SLIT3: variants seen among roughly 807,000 people sequenced by gnomAD.
The protein encoded by SLIT3 is slit guidance ligand 3, also known as slit homolog 3 protein.
In SLIT3, 68 loss-of-function variants were observed where a neutral mutation model predicts 184.0. That is an observed-to-expected ratio of 0.37 (90% CI 0.30 to 0.45). The LOEUF (loss-of-function observed/expected upper bound fraction) is 0.45, where lower values mean the gene tolerates loss of function less well. SLIT3 is among the 20% of genes least tolerant of loss of function. The pLI, the probability that SLIT3 is intolerant of heterozygous loss-of-function variation, is 1.00. For synonymous variants in SLIT3, 831 were observed against 828.6 expected (o/e 1.00, Z -0.05); for missense variants, 1,707 against 2,026.0 (o/e 0.84, Z 3.02).
chr5:169,123,367 A>C (rs1045059983), intron 4 of SLIT3, among the ~76,000 whole-genome samples: 24 of 152,304 alleles, frequency 1.6e-4, no homozygotes, highest in Middle Eastern at 3.4e-3. Flanking sequence ...TGGGTAACTC[A>C]TTTCAAGAAG....
chr5:168,693,458 T>C (rs936701274), intron 28 of SLIT3, among the ~76,000 whole-genome samples: 1 of 152,224 alleles, frequency 6.6e-6, no homozygotes, highest in African/African-American at 2.4e-5. Flanking sequence ...CCCTTGCAGA[T>C]AAGCCCTGAA....
chr5:168,860,305 G>C (rs1197873810), intron 5 of SLIT3, among the ~76,000 whole-genome samples: 2 of 152,060 alleles, frequency 1.3e-5, no homozygotes, highest in African/African-American at 4.8e-5. Flanking sequence ...TGATATACCA[G>C]TGAAAAAACT....
At chr5:168,765,468 C>T (rs76125455) in intron 14 of SLIT3, among the ~76,000 whole-genome samples, 1,724 of 152,140 alleles carry the variant, frequency 0.011, 100 homozygotes, top group Admixed American at 0.092. Flanking sequence ...TTAATAACGG[C>T]GTATGTACAT....
intron 17 of SLIT3, among the ~76,000 whole-genome samples, 198 bp from the exon 18 acceptor site, chr5:168,753,296 T>C (rs1472569651): frequency 6.6e-6 from 1 of 152,198 alleles, no homozygotes; most frequent in African/African-American, 2.4e-5. Context: ...TGTATGTACA[T>C]TATTGTTTGT....
intron 23 of SLIT3, among the ~76,000 whole-genome samples, chr5:168,716,453 G>A (rs1301325378): frequency 6.6e-6 from 1 of 152,182 alleles, no homozygotes; most frequent in Non-Finnish European, 1.5e-5. Context: ...CCAGATGCCA[G>A]TGGTTCAGAA....
At chr5:169,286,871 T>C (rs1049550302) in intron 1 of SLIT3, among the ~76,000 whole-genome samples, 1 of 152,226 alleles carries the variant, frequency 6.6e-6, no homozygotes, top group Non-Finnish European at 1.5e-5. Context: ...TAGTGCAGTC[T>C]TCTTGGAAGA....
At chr5:168,982,764 T>C (rs1347482004) in intron 4 of SLIT3, among the ~76,000 whole-genome samples, 1 of 152,128 alleles carries the variant, frequency 6.6e-6, no homozygotes, top group African/African-American at 2.4e-5. Flanking sequence ...GGTACAGCCT[T>C]GTCTCTGAAC....
intron 4 of SLIT3, among the ~76,000 whole-genome samples, chr5:168,890,310 AAG>A (rs1474733591): frequency 2.0e-5 from 3 of 152,186 alleles, no homozygotes; most frequent in Non-Finnish European, 1.5e-5. Context: ...TCGGAAGGAA[AAG>A]AGAGAGATGC....
At chr5:168,966,308 T>C (rs2113302977) in intron 4 of SLIT3, among the ~76,000 whole-genome samples, 1 of 152,174 alleles carries the variant, frequency 6.6e-6, no homozygotes, top group South Asian at 2.1e-4. Context: ...ATCATTTGCC[T>C]AGAAGAGTCT....
chr5:169,098,125 A>AT (rs200082159), intron 4 of SLIT3, among the ~76,000 whole-genome samples: 3,741 of 151,876 alleles, frequency 0.025, 94 homozygotes, highest in African/African-American at 0.06. Context: ...CCCCGGCTTG[A>AT]TTTTTTTTGG....
intron 1 of SLIT3, among the ~76,000 whole-genome samples, chr5:169,289,409 C>T (rs998168931): frequency 6.6e-5 from 10 of 152,334 alleles, no homozygotes; most frequent in South Asian, 4.1e-4. Context: ...ATCACTGCTG[C>T]GCTTTTTAAT....
chr5:169,267,653 TA>T (rs1488040451), intron 1 of SLIT3, among the ~76,000 whole-genome samples: 5 of 152,240 alleles, frequency 3.3e-5, no homozygotes, highest in African/African-American at 1.2e-4. Flanking sequence ...AAGTCATTAA[TA>T]ATTATACCAC....
chr5:168,971,257 C>T (rs942928013), intron 4 of SLIT3, among the ~76,000 whole-genome samples: 5 of 152,222 alleles, frequency 3.3e-5, no homozygotes, highest in Non-Finnish European at 5.9e-5. Context: ...ATCACTGTGA[C>T]AGACCAGTTG....
At chr5:168,992,519 A>G (rs1405249306) in intron 4 of SLIT3, among the ~76,000 whole-genome samples, 1 of 152,244 alleles carries the variant, frequency 6.6e-6, no homozygotes, top group East Asian at 1.9e-4. Flanking sequence ...ACCTCGGCCA[A>G]GGGTCTTCAA....
chr5:168,710,463 G>T (rs747643068), intron 25 of SLIT3, among the ~76,000 whole-genome samples: 1 of 152,144 alleles, frequency 6.6e-6, no homozygotes, highest in Non-Finnish European at 1.5e-5. Context: ...AAAAAATGCA[G>T]GTTGAAGATT....
chr5:168,970,092 A>G (rs970339798), intron 4 of SLIT3, among the ~76,000 whole-genome samples: 6 of 152,252 alleles, frequency 3.9e-5, no homozygotes, highest in Non-Finnish European at 7.4e-5. Context: ...GAGGCAGGAG[A>G]ATAGTGTGAA....
rs1341810280 is a variant in SLIT3 at position 168,858,476 on chromosome 5, G to A, written c.486-13821C>T. ...GGGAAAGTAAGGTCCTTTCAAGTGA[G>A]ACTTAGGGGGAAAAATTCCTTGTTT... On this transcript the variant is annotated intron_variant, in intron 5 of 35. Transcript: ENST00000519560. Among the ~76,000 whole-genome samples the A allele has an allele frequency of 2.0e-5, 3 of 152,244 alleles. No individual in the cohort carries two copies. The East Asian group carries it at 5.8e-4, about 29-fold the overall frequency.
intron 4 of SLIT3, among the ~76,000 whole-genome samples, chr5:169,152,596 TG>T: frequency 6.6e-6 from 1 of 152,240 alleles, no homozygotes; most frequent in East Asian, 1.9e-4. Context: ...GGTGAGTATA[TG>T]GGCTGAGAGT....
intron 4 of SLIT3, among the ~76,000 whole-genome samples, chr5:168,992,695 A>G (rs1228099452): frequency 6.6e-6 from 1 of 152,210 alleles, no homozygotes; most frequent in Non-Finnish European, 1.5e-5. Context: ...CCCCTGCCCC[A>G]GTCCCTGATG....
Sources: allele counts gnomAD v4.1 joint callset (sites outside exome capture counted in the v4.1 genomes callset), GRCh38; gene constraint gnomAD v4.1.1; transcripts MANE v1.5; gene names NCBI Gene and HGNC (gene_info 2026-07-23, HGNC 2026-07-21).